Variants in FAT4 observed in about 807,000 individuals in gnomAD.
FAT4 encodes FAT atypical cadherin 4.
Under a neutral mutation model 303.9 loss-of-function variants are expected in FAT4, and 84 were observed. That is an observed-to-expected ratio of 0.28 (90% CI 0.23 to 0.33). The LOEUF is 0.33. FAT4 is among the 10% of genes least tolerant of loss of function. The pLI is 1.00. For synonymous variants in FAT4, 2,307 were observed against 2,298.8 expected, an observed-to-expected ratio of 1.00 and a Z score of -0.10; for missense variants, 6,005 against 6,146.8, an observed-to-expected ratio of 0.98 and a Z score of 0.77.
Position 125,325,063 on chromosome 4 carries a change from A to G in FAT4, c.5175+3477A>G, listed in dbSNP as rs116123416. On this transcript the variant is annotated intron_variant, in intron 2 of 17. Coordinates refer to ENST00000394329, the MANE Select transcript of FAT4 (RefSeq NM_001291303.3). ...TTTTTGGCTAAAATATACAAGCAGA[A>G]TCCATCCTTACACAGATATTTTGAG... is the stretch of plus-strand genomic sequence containing the variant. Among the ~76,000 whole-genome samples the G allele has an allele frequency of 9.5e-3, 1,445 of 152,188 alleles. 24 individuals are homozygous for G. Among genetic ancestry groups the G allele is most frequent in the African/African-American group, 0.033 (1,375 of 41,534 alleles).
chr4:125,375,515 G>C (rs2202863), intron 2 of FAT4, among the ~76,000 whole-genome samples: 7,320 of 152,186 alleles, frequency 0.048, 560 homozygotes, highest in African/African-American at 0.16. Flanking sequence ...GGTGAGAGAG[G>C]TTTCTGGGAC....
chr4:125,464,322 C>G lies in FAT4; in HGVS notation c.11905+655C>G, dbSNP rs148300559. 2.1e-3 allele frequency among the ~76,000 whole-genome samples: 312 copies of G among 152,138 alleles called. 3 individuals are homozygous for G. The highest frequency in any genetic ancestry group is 0.01 in the Middle Eastern group (3 of 294). On this transcript the variant is annotated intron_variant, in intron 11 of 17. Coordinates refer to ENST00000394329, the MANE Select transcript of FAT4 (RefSeq NM_001291303.3). ...ATGAACTAAAAGATTCCTTCCAGGT[C>G]TTATCCAGCTGTTACCCATTACTGT...
In FAT4 at chr4:125,451,410, C is replaced by T; in HGVS notation, c.10400C>T (p.Thr3467Ile). 2 of 1,614,158 alleles carry T rather than the reference C, an allele frequency of 1.2e-6. No homozygotes were observed. Among genetic ancestry groups the T allele is most frequent in the Non-Finnish European group, 1.7e-6 (2 of 1,180,018 alleles). The change falls in exon 10 of 18, where the codon ACT (threonine) becomes ATT (isoleucine). Residue 3467 changes from threonine to isoleucine, a missense_variant. Physicochemically the swap from Thr to Ile is moderately conservative, Grantham distance 89. Coordinates refer to ENST00000394329, the MANE Select transcript of FAT4 (RefSeq NM_001291303.3). ...CCGCAGACAGGACAGATCACCGTTACTGCAGAATTAGATCGAGAAACCCTT... is the reference window on the plus strand; with the variant it reads ...CCGCAGACAGGACAGATCACCGTTATTGCAGAATTAGATCGAGAAACCCTT... The part of the protein sequence containing the change: ...INPQTGQITV[T>I]AELDRETLPI...
chr4:125,489,085 G>A (rs1727512118), intron 17 of FAT4, among the ~76,000 whole-genome samples: 1 of 152,160 alleles, frequency 6.6e-6, no homozygotes, highest in South Asian at 2.1e-4. Flanking sequence ...ATAGATTTAA[G>A]GCATAAAAGT....
At chr4:125,354,423 C>A (rs1056600999) in intron 2 of FAT4, among the ~76,000 whole-genome samples, 3 of 151,626 alleles carry the variant, frequency 2.0e-5, no homozygotes, top group African/African-American at 7.3e-5. Context: ...CACATTGAAT[C>A]TTTTTATTGT....
At chr4:125,367,995 G>C (rs527752576) in intron 2 of FAT4, among the ~76,000 whole-genome samples, 45 of 152,148 alleles carry the variant, frequency 3.0e-4, no homozygotes, top group African/African-American at 9.9e-4. Context: ...TGCCAGTCCA[G>C]TTTTTTTCCC....
At chr4:125,335,440 A>G (rs970210696) in intron 2 of FAT4, among the ~76,000 whole-genome samples, 4 of 152,036 alleles carry the variant, frequency 2.6e-5, no homozygotes, top group Non-Finnish European at 4.4e-5. Flanking sequence ...AAAATTAAAT[A>G]TATCACATTA....
intron 2 of FAT4, among the ~76,000 whole-genome samples, chr4:125,358,181 A>G (rs1001819557): frequency 9.2e-5 from 14 of 151,984 alleles, no homozygotes; most frequent in African/African-American, 3.4e-4. Flanking sequence ...CTTATTATGG[A>G]CAAATTTACC....
rs2126062361 is a variant in FAT4 at position 125,452,597 on chromosome 4, A to G, written c.11587A>G (p.Ile3863Val). Residue 3863 changes from isoleucine (I) to valine (V), a missense_variant, in exon 10 of 18, where the codon ATA becomes GTA. Coordinates refer to ENST00000394329, the MANE Select transcript of FAT4 (RefSeq NM_001291303.3). ...LPGYAGSWCE[I>V]DIDECLPSPC... ...AGGATATGCGGGTAGCTGGTGTGAA[A>G]TAGATATAGATGAATGTCTTCCATC... 12 of 1,614,160 alleles carry G rather than the reference A, an allele frequency of 7.4e-6. No homozygotes were observed. Among genetic ancestry groups the G allele is most frequent in the South Asian group, 1.1e-5 (1 of 91,086 alleles).
At chr4:125,483,559 ATTC>A (rs1375523168) in intron 16 of FAT4, among the ~76,000 whole-genome samples, 2 of 152,210 alleles carry the variant, frequency 1.3e-5, no homozygotes, top group Non-Finnish European at 1.5e-5. Flanking sequence ...GTCACCATAA[ATTC>A]TTCTACTTCC....
chr4:125,324,060 G>A (rs898007711), intron 2 of FAT4, among the ~76,000 whole-genome samples: 15 of 152,032 alleles, frequency 9.9e-5, no homozygotes, highest in African/African-American at 3.4e-4. Flanking sequence ...CTTTACTTAC[G>A]CTACTTGTTA....
chr4:125,375,154 A>G (rs1733265172), intron 2 of FAT4, among the ~76,000 whole-genome samples: 1 of 152,200 alleles, frequency 6.6e-6, no homozygotes, highest in African/African-American at 2.4e-5. Flanking sequence ...AAATTTTCCT[A>G]CAGGTCTTAG....
intron 17 of FAT4, among the ~76,000 whole-genome samples, chr4:125,489,440 C>A (rs1214679776): frequency 6.6e-6 from 1 of 152,128 alleles, no homozygotes; most frequent in African/African-American, 2.4e-5. Flanking sequence ...ATGTTCCACA[C>A]CTTTGGTGTA....
intron 2 of FAT4, among the ~76,000 whole-genome samples, chr4:125,385,003 T>TAC (rs1247323162): frequency 8.9e-5 from 10 of 112,160 alleles, no homozygotes; most frequent in Admixed American, 4.1e-4. Flanking sequence ...TATATATACA[T>TAC]ATATATATAT....
At chr4:125,477,958 C>T (rs1209941557) in intron 14 of FAT4, among the ~76,000 whole-genome samples, 1 of 152,064 alleles carries the variant, frequency 6.6e-6, no homozygotes, top group African/African-American at 2.4e-5. Context: ...AATCTAACCA[C>T]CCAGAGACAA....
rs1383953112 is a variant in FAT4, at chr4:125,442,740, C to T, written c.7200-3553C>T. Among the ~76,000 whole-genome samples the T allele has an allele frequency of 2.0e-5, 3 of 151,986 alleles. No homozygotes were observed. The East Asian group carries it at 5.8e-4, about 29-fold the overall frequency. ...TTCTATCCAGAGAAATCCAAACACC[C>T]CTGGTTCCAAGAATTTTGGATAATG... On this transcript the variant is annotated intron_variant, in intron 8 of 17. Coordinates refer to ENST00000394329, the MANE Select transcript of FAT4 (RefSeq NM_001291303.3).
Position 125,451,043 on chromosome 4 carries a change from A to C in FAT4, c.10033A>C (p.Lys3345Gln), listed in dbSNP as rs1726046429. The change falls in exon 10 of 18, where the codon AAG becomes CAG. Residue 3345 changes from lysine (K) to glutamine (Q), a missense_variant. By Grantham distance (53) the Lys-to-Gln change is moderately conservative. Transcript: ENST00000394329. ...CTATTTGATTTTTGGTAATAGTCGA[A>C]AGAAGGGTTTCCAGATCAATAAGAA... is the stretch of plus-strand genomic sequence containing the variant. ...VHYLIFGNSR[K>Q]KGFQINKKTG... 1 of 1,613,938 alleles carries C rather than the reference A, an allele frequency of 6.2e-7. No homozygotes were observed. Among genetic ancestry groups the C allele is most frequent in the African/African-American group, 1.3e-5 (1 of 74,896 alleles).
At chr4:125,425,728 G>C (rs1725065917) in intron 7 of FAT4, among the ~76,000 whole-genome samples, 2 of 152,066 alleles carry the variant, frequency 1.3e-5, no homozygotes, top group Non-Finnish European at 1.5e-5. Flanking sequence ...GGGGGTAGGA[G>C]ATTAATCTGC....
chr4:125,366,702 T>C (rs915378236), intron 2 of FAT4, among the ~76,000 whole-genome samples: 1 of 152,162 alleles, frequency 6.6e-6, no homozygotes, highest in Non-Finnish European at 1.5e-5. Flanking sequence ...TTGAACTAAT[T>C]TACAGTCCCA....
Sources: allele counts gnomAD v4.1 joint callset (sites outside exome capture counted in the v4.1 genomes callset), GRCh38; gene constraint gnomAD v4.1.1; transcripts MANE v1.5; gene names NCBI Gene and HGNC (gene_info 2026-07-23, HGNC 2026-07-21).